The following DHX34 variants were observed in gnomAD, a reference collection of about 807,000 sequenced individuals.
DHX34 encodes probable ATP-dependent RNA helicase DHX34.
A neutral mutation model predicts 111.1 loss-of-function variants in DHX34; 96 were observed. The observed-to-expected ratio is 0.86, with a 90% CI of 0.73 to 1.02. The LOEUF (loss-of-function observed/expected upper bound fraction) is 1.02, where lower values mean the gene tolerates loss of function less well. DHX34 is among the 50% of genes least tolerant of loss of function. The pLI, the probability that DHX34 is intolerant of heterozygous loss-of-function variation, is 0.00. For synonymous variants in DHX34, 688 were observed against 670.4 expected, an observed-to-expected ratio of 1.03 and a Z score of -0.41; for missense variants, 1,560 against 1,579.9, an observed-to-expected ratio of 0.99 and a Z score of 0.21.
rs1345041224 is a variant in DHX34 at position 47,360,003 on chromosome 19, C to T, written c.1308C>T (p.Cys436=). The T allele has an allele frequency of 6.2e-7, 1 of 1,614,130 alleles. No individual in the cohort carries two copies. The highest frequency in any genetic ancestry group is 1.1e-5 in the South Asian group (1 of 91,084). The change falls in exon 5 of 17, where the codon TGC becomes TGT. Residue 436 remains cysteine, a synonymous_variant. Transcript: ENST00000328771. ...TGGCACCCCCTGGAGTCCGGAAATG[C>T]ATCCTCTCCACCAACATTGCTGAGA... The part of the protein sequence containing the change: ...FDVAPPGVRK[C]ILSTNIAETS...
intron 6 of DHX34, among the ~76,000 whole-genome samples, chr19:47,365,700 C>CT (rs1969769620): frequency 6.6e-6 from 1 of 152,174 alleles, no homozygotes; most frequent in Non-Finnish European, 1.5e-5. Flanking sequence ...CTTCTCTGAG[C>CT]TTCCTTCTCG....
chr19:47,375,405 C>T (rs1970105408), intron 9 of DHX34, 61 bp from the exon 10 acceptor site: 3 of 1,482,420 alleles, frequency 2.0e-6, no homozygotes, highest in Admixed American at 2.5e-5. Context: ...TCCCCATTTC[C>T]ATGAGTCCAG....
chr19:47,363,837 A>G (rs960108786), intron 6 of DHX34, among the ~76,000 whole-genome samples: 105 of 145,774 alleles, frequency 7.2e-4, no homozygotes, highest in African/African-American at 2.6e-3. Flanking sequence ...AAAAAAAAAA[A>G]TGTCCATAGG....
chr19:47,366,267 AATTTT>A (rs551181382), intron 6 of DHX34, among the ~76,000 whole-genome samples: 62 of 152,010 alleles, frequency 4.1e-4, no homozygotes, highest in African/African-American at 1.4e-3. Flanking sequence ...TGACATTGGG[AATTTT>A]ATTTTATTTT....
chr19:47,376,407 A>T (rs367674978), intron 11 of DHX34, 36 bp from the exon 12 acceptor site: 85 of 1,594,668 alleles, frequency 5.3e-5, no homozygotes, highest in Admixed American at 1.0e-4. Context: ...GAGAGAGCAG[A>T]TAGGAGGGCT....
chr19:47,357,137 A>C (rs962469974), intron 3 of DHX34, among the ~76,000 whole-genome samples: 1 of 152,234 alleles, frequency 6.6e-6, no homozygotes, highest in South Asian at 2.1e-4. Flanking sequence ...AAATCAGCCA[A>C]CCAACCTGGC....
intron 6 of DHX34, among the ~76,000 whole-genome samples, chr19:47,363,852 AAGGAAGAACC>A (rs1969708930): frequency 6.6e-6 from 1 of 152,076 alleles, no homozygotes; most frequent in Non-Finnish European, 1.5e-5. Flanking sequence ...CATAGGGTCA[AAGGAAGAACC>A]AGTGACTCAA....
At chr19:47,365,215 C>G (rs1020563189) in intron 6 of DHX34, among the ~76,000 whole-genome samples, 6 of 147,144 alleles carry the variant, frequency 4.1e-5, no homozygotes, top group Non-Finnish European at 7.4e-5. Flanking sequence ...TTAAATTGAG[C>G]TTCTAATGTA....
At position 47,353,528 on chromosome 19, in the gene DHX34, G is replaced by T. The variant is rs773179768; in HGVS notation, c.498G>T (p.Gln166His). ...QRERAALPIA[Q>H]YGNRILQTLK... ...AGCGGGCAGCCCTCCCCATCGCCCAGTATGGGAACCGCATCCTGCAGACGC... is the reference window on the plus strand; with the variant it reads ...AGCGGGCAGCCCTCCCCATCGCCCATTATGGGAACCGCATCCTGCAGACGC... The change falls in exon 2 of 17, where the codon CAG (glutamine) becomes CAT (histidine). Residue 166 changes from glutamine (Q) to histidine (H), a missense_variant. Gln to His is a conservative substitution (Grantham distance 24, BLOSUM62 0). Coordinates refer to ENST00000328771, the MANE Select transcript of DHX34 (RefSeq NM_014681.6). This position sits in a 1 kb window ranked among gnomAD's most constrained non-coding sequence, Gnocchi z 4.6. 4.9e-5 allele frequency: 79 copies of T among 1,613,624 alleles called. No individual in the cohort carries two copies. In the South Asian group the frequency reaches 8.1e-4, roughly 17 times the overall value.
At chr19:47,369,007 A>T (rs1299518265) in intron 7 of DHX34, among the ~76,000 whole-genome samples, 1 of 152,152 alleles carries the variant, frequency 6.6e-6, no homozygotes, top group East Asian at 1.9e-4. Flanking sequence ...CTTCATGAGT[A>T]GCTAAAATTA....
At chr19:47,373,981 G>A (rs746721243) in intron 9 of DHX34, among the ~76,000 whole-genome samples, 2 of 152,134 alleles carry the variant, frequency 1.3e-5, no homozygotes, top group Non-Finnish European at 2.9e-5. Flanking sequence ...TGGCTGCATG[G>A]GCATGGTGTT....
At chr19:47,361,204 T>A (rs931914517) in intron 5 of DHX34, among the ~76,000 whole-genome samples, 3 of 151,946 alleles carry the variant, frequency 2.0e-5, no homozygotes, top group African/African-American at 7.2e-5. Flanking sequence ...ACACATGTAA[T>A]ACCAGCACTT....
intron 13 of DHX34, among the ~76,000 whole-genome samples, chr19:47,379,187 A>G (rs1568408163): frequency 6.6e-6 from 1 of 152,138 alleles, no homozygotes; most frequent in Non-Finnish European, 1.5e-5. Context: ...GAAACTTCAC[A>G]TTCACATAAG....
At chr19:47,363,305 G>C (rs934296272) in intron 6 of DHX34, among the ~76,000 whole-genome samples, 7 of 151,896 alleles carry the variant, frequency 4.6e-5, no homozygotes, top group African/African-American at 1.7e-4. Context: ...TGCCCAGGCT[G>C]GTCTCAAACT....
rs1568410080 is a variant in DHX34 at position 47,381,569 on chromosome 19, C to T, written c.3298+245C>T. On this transcript the variant is annotated intron_variant, in intron 16 of 16. Coordinates refer to ENST00000328771, the MANE Select transcript of DHX34 (RefSeq NM_014681.6). ...GGTGTCTCTGTGTTGCTGTCTTTGT[C>T]TCTGTTTCTGTCTCTCTGTGGCTAT... The T allele has an allele frequency of 3.8e-5, 23 of 611,778 alleles. No individual in the cohort carries two copies. The East Asian group carries it at 6.2e-4, about 17-fold the overall frequency. The allele number at this position is 611,778 out of a possible 1,614,324, so 37.9% of individuals were successfully genotyped here.
At chr19:47,377,824 G>A (rs556704541) in intron 13 of DHX34, among the ~76,000 whole-genome samples, 18 of 152,104 alleles carry the variant, frequency 1.2e-4, no homozygotes, top group African/African-American at 4.3e-4. Flanking sequence ...GGAGGGTGCT[G>A]CCCCGGTGGA....
chr19:47,374,862 T>A (rs1453572712), intron 9 of DHX34, among the ~76,000 whole-genome samples: 1 of 152,084 alleles, frequency 6.6e-6, no homozygotes, highest in Non-Finnish European at 1.5e-5. Context: ...GCACGCACAA[T>A]CTCCTGTGTC....
rs145900546 is a variant in DHX34, at chr19:47,377,169, C to A, written c.2669C>A (p.Pro890Gln). ...GTGTCCCTGCTGGAGACCAACAAGC[C>A]GTACCTGGTGAACTGCGTCCGCATC... is the stretch of plus-strand genomic sequence containing the variant. ...SFVSLLETNK[P>Q]YLVNCVRIPA... Residue 890 changes from proline to glutamine, a missense_variant, in exon 13 of 17, where the codon CCG becomes CAG. By Grantham distance (76) the Pro-to-Gln change is moderately conservative. Coordinates refer to ENST00000328771, the MANE Select transcript of DHX34 (RefSeq NM_014681.6). 1 of 1,613,966 alleles carries A rather than the reference C, an allele frequency of 6.2e-7. No homozygotes were observed. The highest frequency in any genetic ancestry group is 1.1e-5 in the South Asian group (1 of 91,080).
chr19:47,360,807 G>A (rs1159820856), intron 5 of DHX34, among the ~76,000 whole-genome samples: 1 of 152,016 alleles, frequency 6.6e-6, no homozygotes, highest in African/African-American at 2.4e-5. Context: ...AAGTAGCTGG[G>A]ATTACAGACA....
Sources: gnomAD v4.1 joint callset for allele counts (sites outside exome capture counted in the v4.1 genomes callset) on GRCh38, gnomAD v4.1.1 for gene constraint, Gnocchi (gnomAD v3.1) non-coding constraint, MANE v1.5 for transcripts, NCBI Gene and HGNC (gene_info 2026-07-23, HGNC 2026-07-21) for gene names.